Variants in MAN1A2 observed in about 807,000 individuals in gnomAD.
The protein encoded by MAN1A2 is mannosidase alpha class 1A member 2, also known as mannosyl-oligosaccharide 1,2-alpha-mannosidase IB.
A neutral mutation model predicts 75.7 loss-of-function variants in MAN1A2; 26 were observed. The ratio of observed to expected loss-of-function variants is 0.34; its 90% CI spans 0.25 to 0.48. The LOEUF (loss-of-function observed/expected upper bound fraction) is 0.48, where lower values mean the gene tolerates loss of function less well. MAN1A2 is among the 20% of genes least tolerant of loss of function. MAN1A2 has a pLI of 0.99. For synonymous variants in MAN1A2, 247 were observed against 264.6 expected (o/e 0.93, Z 0.65); for missense variants, 562 against 775.5 (o/e 0.72, Z 3.27).
intron 12 of MAN1A2, among the ~76,000 whole-genome samples, chr1:117,512,057 G>A (rs750423032): frequency 6.6e-6 from 1 of 152,076 alleles, no homozygotes; most frequent in Non-Finnish European, 1.5e-5. Context: ...GTAGGAGGGG[G>A]AAAGAGAAGA....
intron 5 of MAN1A2, among the ~76,000 whole-genome samples, chr1:117,440,887 GGTAA>G (rs1193258177): frequency 6.7e-6 from 1 of 149,876 alleles, no homozygotes; most frequent in Non-Finnish European, 1.5e-5. Flanking sequence ...TGCTCTATAA[GGTAA>G]CTTGTGTTTA....
intron 12 of MAN1A2, among the ~76,000 whole-genome samples, chr1:117,506,640 A>G (rs575373040): frequency 5.3e-5 from 8 of 151,846 alleles, no homozygotes; most frequent in African/African-American, 1.4e-4. Context: ...CATTAAGTGC[A>G]TAAGAGAAAT....
At chr1:117,419,883 A>G (rs911294865) in intron 4 of MAN1A2, among the ~76,000 whole-genome samples, 22 of 152,100 alleles carry the variant, frequency 1.4e-4, no homozygotes, top group South Asian at 4.2e-4. Flanking sequence ...TCTGTCATCA[A>G]TTTATCAAAA....
intron 5 of MAN1A2, among the ~76,000 whole-genome samples, chr1:117,421,527 C>A (rs1000357065): frequency 1.3e-5 from 2 of 151,464 alleles, no homozygotes; most frequent in Non-Finnish European, 3.0e-5. Context: ...CAAAAATTCC[C>A]ATTTTCGTAT....
chr1:117,462,604 G>A (rs888526746), intron 7 of MAN1A2, among the ~76,000 whole-genome samples: 2 of 152,146 alleles, frequency 1.3e-5, no homozygotes, highest in Non-Finnish European at 2.9e-5. Flanking sequence ...GTTATGTATA[G>A]TTTTGAAAGG....
chr1:117,523,259 G>A lies in MAN1A2; in HGVS notation c.*302G>A, dbSNP rs1218116388. The A allele has an allele frequency of 1.9e-6, 1 of 521,898 alleles. No homozygotes were observed. Among genetic ancestry groups the A allele is most frequent in the South Asian group, 1.5e-5 (1 of 64,966 alleles). 32.3% of individuals were successfully genotyped at this position (521,898 alleles called of 1,614,324 possible). ...ACTGTATTGTTTTTAGAGTCCTGAA[G>A]TCTGGAGGCTAGACTTCCTGAAAGC... On this transcript the variant is annotated 3_prime_UTR_variant, in exon 13 of 13. Coordinates refer to ENST00000356554, the MANE Select transcript of MAN1A2 (RefSeq NM_006699.5).
intron 2 of MAN1A2, among the ~76,000 whole-genome samples, chr1:117,404,581 T>G (rs1647551708): frequency 6.6e-6 from 1 of 152,136 alleles, no homozygotes; most frequent in South Asian, 2.1e-4. Context: ...GGATTATATA[T>G]TACATAGACC....
At chr1:117,438,265 TAA>T (rs1010364250) in intron 5 of MAN1A2, among the ~76,000 whole-genome samples, 1 of 150,740 alleles carries the variant, frequency 6.6e-6, no homozygotes, top group Admixed American at 6.6e-5. Flanking sequence ...GTTTAAAAAG[TAA>T]AAAAAAAATT....
intron 6 of MAN1A2, among the ~76,000 whole-genome samples, chr1:117,444,258 G>A (rs1003898057): frequency 8.6e-5 from 13 of 151,628 alleles, no homozygotes; most frequent in African/African-American, 2.9e-4. Context: ...TCATATCAGT[G>A]GTATTTGTTT....
In MAN1A2 at chr1:117,367,556, C is replaced by G. The variant is rs1557920102; in HGVS notation, c.-628C>G. 6.6e-6 allele frequency: 1 copy of G among 152,360 alleles called. No individual in the cohort carries two copies. The highest frequency in any genetic ancestry group is 1.5e-5 in the Non-Finnish European group (1 of 68,168). The allele number at this position is 152,360 out of a possible 1,614,324, so 9.4% of individuals were successfully genotyped here. ...AGCCGTCGAGTGGGCAGCAGCGGGA[C>G]TCAGCCGGGCGCCAGGTTCCTGCCA... On this transcript the variant is annotated 5_prime_UTR_variant, in exon 1 of 13. Coordinates refer to ENST00000356554, the MANE Select transcript of MAN1A2 (RefSeq NM_006699.5).
At chr1:117,422,634 T>C (rs1648234598) in intron 5 of MAN1A2, among the ~76,000 whole-genome samples, 1 of 152,124 alleles carries the variant, frequency 6.6e-6, no homozygotes, top group Non-Finnish European at 1.5e-5. Context: ...CATAGTAGTA[T>C]CTCATTGTGG....
rs148716664 is a variant in MAN1A2, at chr1:117,519,729, C to G, written c.1794-3096C>G. Among the ~76,000 whole-genome samples, 946 of 152,146 alleles carry G rather than the reference C, an allele frequency of 6.2e-3. 8 individuals are homozygous for G. Among genetic ancestry groups the G allele is most frequent in the African/African-American group, 0.022 (906 of 41,526 alleles). ...AAAAGCCCAGGAACAGACGGATTCA[C>G]AGCAGAATTCTATCAGACATTCTAA... On this transcript the variant is annotated intron_variant, in intron 12 of 12. Coordinates refer to ENST00000356554, the MANE Select transcript of MAN1A2 (RefSeq NM_006699.5).
At chr1:117,492,650 A>G (rs1371930190) in intron 8 of MAN1A2, among the ~76,000 whole-genome samples, 1 of 151,948 alleles carries the variant, frequency 6.6e-6, no homozygotes, top group Admixed American at 6.6e-5. Flanking sequence ...TTATAAAGGA[A>G]TTCTTGGGCT....
At chr1:117,441,803 C>T (rs1423042969) in intron 5 of MAN1A2, among the ~76,000 whole-genome samples, 2 of 152,020 alleles carry the variant, frequency 1.3e-5, no homozygotes, top group Non-Finnish European at 2.9e-5. Flanking sequence ...TATGATTAAA[C>T]CTTGATGGAA....
At chr1:117,441,442 T>C (rs1649031282) in intron 5 of MAN1A2, among the ~76,000 whole-genome samples, 1 of 152,192 alleles carries the variant, frequency 6.6e-6, no homozygotes, top group Admixed American at 6.5e-5. Context: ...GGGGATAGAC[T>C]TGATGCATAT....
intron 7 of MAN1A2, among the ~76,000 whole-genome samples, chr1:117,462,351 A>AG (rs1474957403): frequency 6.6e-6 from 1 of 152,190 alleles, no homozygotes; most frequent in Non-Finnish European, 1.5e-5. Flanking sequence ...TATATCTGTT[A>AG]GTTAAAAGAA....
At chr1:117,479,623 T>C (rs1650428567) in intron 8 of MAN1A2, among the ~76,000 whole-genome samples, 1 of 152,074 alleles carries the variant, frequency 6.6e-6, no homozygotes, top group Admixed American at 6.6e-5. Flanking sequence ...TTTTTTGACT[T>C]TTTAATAATC....
chr1:117,512,499 A>C (rs10923328), intron 12 of MAN1A2, among the ~76,000 whole-genome samples: 39,221 of 151,886 alleles, frequency 0.26, 5,720 homozygotes, highest in East Asian at 0.47. Context: ...GTCTGGGGGA[A>C]TCACACTTTG....
chr1:117,447,734 T>C (rs1008615502), intron 6 of MAN1A2, among the ~76,000 whole-genome samples: 1 of 152,182 alleles, frequency 6.6e-6, no homozygotes, highest in Non-Finnish European at 1.5e-5. Flanking sequence ...GTTTGTTTTT[T>C]ATTGGCTATT....
Sources: allele counts gnomAD v4.1 joint callset (sites outside exome capture counted in the v4.1 genomes callset), GRCh38; gene constraint gnomAD v4.1.1; transcripts MANE v1.5; gene names NCBI Gene and HGNC (gene_info 2026-07-23, HGNC 2026-07-21).